Variants in COL23A1 observed in about 807,000 individuals in gnomAD.
COL23A1 encodes the protein collagen type XXIII alpha 1 chain, also known as collagen alpha-1(XXIII) chain.
Under a neutral mutation model 99.3 loss-of-function variants are expected in COL23A1, and 97 were observed. The observed-to-expected ratio is 0.98, with a 90% confidence interval of 0.83 to 1.16. The LOEUF (loss-of-function observed/expected upper bound fraction) is 1.16. Among genes scored for constraint, COL23A1 ranks in the 50% most tolerant of loss-of-function variants. The probability of loss-of-function intolerance (pLI) is 0.00; values close to 1 mark genes in which losing one functional copy is unlikely to be tolerated. For synonymous variants in COL23A1, 320 were observed against 308.2 expected (o/e 1.04, Z -0.40); for missense variants, 762 against 757.4 (o/e 1.01, Z -0.07).
At chr5:178,360,478 G>C (rs1234090152) in intron 2 of COL23A1, among the ~76,000 whole-genome samples, 6 of 152,272 alleles carry the variant, frequency 3.9e-5, no homozygotes, top group African/African-American at 4.8e-5. Flanking sequence ...CATGTGGGGG[G>C]GGATGGAGGG....
chr5:178,241,644 C>A (rs1202761745), intron 27 of COL23A1, among the ~76,000 whole-genome samples: 1 of 152,224 alleles, frequency 6.6e-6, no homozygotes, highest in Non-Finnish European at 1.5e-5. Flanking sequence ...GGGCCCAGCC[C>A]CCTCCCAGGG....
At chr5:178,556,119 C>T (rs1762258705) in intron 2 of COL23A1, among the ~76,000 whole-genome samples, 1 of 152,162 alleles carries the variant, frequency 6.6e-6, no homozygotes, top group Non-Finnish European at 1.5e-5. Context: ...CGGGGACTGG[C>T]CAAGTGCATT....
intron 2 of COL23A1, among the ~76,000 whole-genome samples, chr5:178,501,995 A>G (rs55928357): frequency 0.17 from 26,118 of 152,280 alleles, 2,380 homozygotes; most frequent in Middle Eastern, 0.21. Context: ...AATAGGACAA[A>G]GACCGACAAT....
chr5:178,255,404 GC>G lies in COL23A1; in HGVS notation c.883-379del, dbSNP rs1375871445. On this transcript the variant is annotated intron_variant, in intron 15 of 28. Transcript: ENST00000390654. This position sits in a 1 kb window ranked among gnomAD's most constrained non-coding sequence, Gnocchi z 4.2. ...CAAAGACATGAGCAGGCTGGATCTG[GC>G]CCCCGTGCCTCCATTTCCCAGCCTC... is the stretch of plus-strand genomic sequence containing the variant. 6.6e-6 allele frequency among the ~76,000 whole-genome samples: 1 copy of G among 152,158 alleles called. No homozygotes were observed. Among genetic ancestry groups the G allele is most frequent in the African/African-American group, 2.4e-5 (1 of 41,436 alleles).
chr5:178,571,999 C>A (rs262069), intron 1 of COL23A1, among the ~76,000 whole-genome samples: 2 of 145,296 alleles, frequency 1.4e-5, no homozygotes, highest in African/African-American at 2.6e-5. Flanking sequence ...ACCTGAGAGG[C>A]GGAGCTTGCA....
Position 178,255,069 on chromosome 5 carries a change from C to A in COL23A1, c.883-43G>T, listed in dbSNP as rs1250451992. The stretch of plus-strand genomic sequence containing the variant: ...GTAAGAATTTCAGGGAAGAGCTACA[C>A]TGAGTTGGAGGTGAAGTGGCAGCTG... On this transcript the variant is annotated intron_variant, in intron 15 of 28. Coordinates refer to ENST00000390654, the MANE Select transcript of COL23A1 (RefSeq NM_173465.4). This position sits in a 1 kb window ranked among gnomAD's most constrained non-coding sequence, Gnocchi z 4.2. 4 of 1,537,316 alleles carry A rather than the reference C, an allele frequency of 2.6e-6. No homozygotes were observed. The Admixed American group carries it at 6.7e-5, about 26-fold the overall frequency.
chr5:178,501,516 C>T (rs1758532792), intron 2 of COL23A1, among the ~76,000 whole-genome samples: 1 of 150,936 alleles, frequency 6.6e-6, no homozygotes, highest in South Asian at 2.1e-4. Flanking sequence ...CGGGAGGTTG[C>T]AGTGAGCCAG....
chr5:178,310,929 T>G lies in COL23A1; in HGVS notation c.362-4010A>C, dbSNP rs17081057. ...TCAGGAAGGCACTGGGAGTCTGTCTTGATTGATCTGCTCATGTGGAGAAGG... is the reference window on the plus strand; with the variant it reads ...TCAGGAAGGCACTGGGAGTCTGTCTGGATTGATCTGCTCATGTGGAGAAGG... On this transcript the variant is annotated intron_variant, in intron 2 of 28. Transcript: ENST00000390654. This position sits in a 1 kb window ranked among gnomAD's most constrained non-coding sequence, Gnocchi z 4.3. Among the ~76,000 whole-genome samples the G allele has an allele frequency of 0.027, 4,054 of 152,178 alleles. 183 individuals carry two copies. Among genetic ancestry groups the G allele is most frequent in the African/African-American group, 0.093 (3,860 of 41,498 alleles).
intron 2 of COL23A1, among the ~76,000 whole-genome samples, chr5:178,334,782 C>T (rs1367388979): frequency 6.6e-6 from 1 of 152,174 alleles, no homozygotes; most frequent in Non-Finnish European, 1.5e-5. Context: ...TTGTCTCACA[C>T]GTTTCCGCCA....
chr5:178,407,753 C>T (rs1402169997), intron 2 of COL23A1, among the ~76,000 whole-genome samples: 1 of 151,818 alleles, frequency 6.6e-6, no homozygotes, highest in Non-Finnish European at 1.5e-5. Context: ...AGCTTGAAGG[C>T]AGAACCAATA....
chr5:178,328,785 G>A (rs1759843284), intron 2 of COL23A1, among the ~76,000 whole-genome samples: 1 of 152,154 alleles, frequency 6.6e-6, no homozygotes, highest in South Asian at 2.1e-4. Flanking sequence ...CGGTTATAGA[G>A]GTAACGCAAG....
At chr5:178,486,366 C>T (rs947822336) in intron 2 of COL23A1, among the ~76,000 whole-genome samples, 1 of 152,154 alleles carries the variant, frequency 6.6e-6, no homozygotes, top group Non-Finnish European at 1.5e-5. Context: ...GCAAAGAAAT[C>T]CTGCAGCATA....
chr5:178,266,809 C>T (rs187373197), intron 8 of COL23A1, among the ~76,000 whole-genome samples: 4 of 152,344 alleles, frequency 2.6e-5, no homozygotes, highest in South Asian at 2.1e-4. Flanking sequence ...CCCCGCTCTC[C>T]GCACTGCGGC....
intron 2 of COL23A1, among the ~76,000 whole-genome samples, chr5:178,379,499 T>C (rs1477137925): frequency 2.0e-5 from 3 of 152,200 alleles, no homozygotes; most frequent in Non-Finnish European, 2.9e-5. Flanking sequence ...ATTCTCTGTA[T>C]TTTGGTACTT....
At chr5:178,245,909 C>A in intron 25 of COL23A1, 33 bp downstream of exon 25, 2 of 1,613,288 alleles carry the variant, frequency 1.2e-6, no homozygotes, top group Non-Finnish European at 1.7e-6. Context: ...ACAAGAGGCA[C>A]CCAATTACTC....
At chr5:178,344,015 T>C (rs1760822691) in intron 2 of COL23A1, among the ~76,000 whole-genome samples, 1 of 152,124 alleles carries the variant, frequency 6.6e-6, no homozygotes, top group African/African-American at 2.4e-5. Flanking sequence ...TCTCCAAAAG[T>C]CCAAGACAGC....
intron 2 of COL23A1, among the ~76,000 whole-genome samples, chr5:178,361,360 C>T (rs1468489513): frequency 2.0e-5 from 3 of 152,152 alleles, no homozygotes; most frequent in African/African-American, 7.2e-5. Flanking sequence ...TGTGGAGTCA[C>T]TTGTCTTTGA....
Position 178,262,117 on chromosome 5 carries a change from T to G in COL23A1, c.675+100A>C, listed in dbSNP as rs987584423. 3.1e-6 allele frequency: 4 copies of G among 1,276,156 alleles called. No homozygotes were observed. The African/African-American group carries it at 6.0e-5, about 19-fold the overall frequency. 79.1% of individuals were successfully genotyped at this position (1,276,156 alleles called of 1,614,324 possible). On this transcript the variant is annotated intron_variant, in intron 10 of 28. Coordinates refer to ENST00000390654, the MANE Select transcript of COL23A1 (RefSeq NM_173465.4). ...AGGCGCGCGCACACACATAAACATG[T>G]GCGCGTGACCCTGCTGTCGGCGTGT...
rs909595104 is a variant in COL23A1, at chr5:178,345,161, G to A, written c.362-38242C>T. 20 of 676,256 alleles carry A rather than the reference G, an allele frequency of 3.0e-5. No homozygotes were observed. The African/African-American group carries it at 3.6e-4, about 12-fold the overall frequency. 41.9% of individuals were successfully genotyped at this position (676,256 alleles called of 1,614,324 possible). A position where few individuals can be genotyped will look rare whatever the true frequency, so the allele number is the denominator to read the frequency against. ...CAATCTCTTGGCACATTTAGCTGAT[G>A]GCCTGGGTCACGTAGTCTCTAACTC... On this transcript the variant is annotated intron_variant, in intron 2 of 28. Coordinates refer to ENST00000390654, the MANE Select transcript of COL23A1 (RefSeq NM_173465.4).
Sources: allele counts gnomAD v4.1 joint callset (sites outside exome capture counted in the v4.1 genomes callset), GRCh38; gene constraint gnomAD v4.1.1; non-coding constraint Gnocchi (gnomAD v3.1); transcripts MANE v1.5; gene names NCBI Gene and HGNC (gene_info 2026-07-23, HGNC 2026-07-21).